The following TXNDC2 variants were observed in gnomAD, a reference collection of about 807,000 sequenced individuals.
TXNDC2 encodes the protein thioredoxin domain-containing protein 2.
A neutral mutation model predicts 0.4 loss-of-function variants in TXNDC2; 1 was observed. The ratio of observed to expected loss-of-function variants is 2.30; its 90% CI spans 0.82 to 10.89. TXNDC2 has a LOEUF of 10.89. Among genes scored for constraint, TXNDC2 ranks in the 30% most tolerant of loss-of-function variants. TXNDC2 has a pLI of 0.12. For missense variants in TXNDC2, 509 were observed against 579.8 expected (o/e 0.88, Z 1.25); for synonymous variants, 183 against 224.6 (o/e 0.81, Z 1.66).
At position 9,886,550 on chromosome 18, in the gene TXNDC2, T is replaced by C. The variant is rs1040348066; in HGVS notation, c.-92-39T>C. The C allele has an allele frequency of 2.2e-6, 3 of 1,355,714 alleles. No individual in the cohort carries two copies. In the African/African-American group the frequency reaches 4.5e-5, roughly 20 times the overall value. 84.0% of individuals were successfully genotyped at this position (1,355,714 alleles called of 1,614,324 possible). On this transcript the variant is annotated intron_variant, in intron 1 of 1. Transcript: ENST00000357775. The stretch of plus-strand genomic sequence containing the variant: ...GTTCTTCTTTTGCATTTCTATTTGA[T>C]TTATTTTATTTTATTTTATTTTATG...
In TXNDC2 at chr18:9,886,587, A is replaced by G; in HGVS notation, c.-92-2A>G. On this transcript the variant is annotated splice_acceptor_variant, in intron 1 of 1. Transcript: ENST00000357775. LOFTEE classifies it low-confidence loss of function (5UTR_SPLICE). ...TATTTTATTTTATGTTTTTTGGTAC[A>G]GAAAGCTCATTACTAGTCCTGTCCA... 2 of 1,559,110 alleles carry G rather than the reference A, an allele frequency of 1.3e-6. No individual in the cohort carries two copies. Among genetic ancestry groups the G allele is most frequent in the Middle Eastern group, 1.7e-4 (1 of 5,782 alleles).
chr18:9,888,625 G>A lies in TXNDC2; in HGVS notation c.*484G>A, dbSNP rs925818611. 10 of 153,654 alleles carry A rather than the reference G, an allele frequency of 6.5e-5. No individual in the cohort carries two copies. Among genetic ancestry groups the A allele is most frequent in the African/African-American group, 2.2e-4 (9 of 41,476 alleles). 9.5% of individuals were successfully genotyped at this position (153,654 alleles called of 1,614,324 possible). A position where few individuals can be genotyped will look rare whatever the true frequency, so the allele number is the denominator to read the frequency against. Reference sequence around the variant, plus strand: ...TCTTAGCTAACCTCCTTCTTGTGCCGGAAGTGCTACGGAGGCCTTGGGAAA... The same window carrying A: ...TCTTAGCTAACCTCCTTCTTGTGCCAGAAGTGCTACGGAGGCCTTGGGAAA... On this transcript the variant is annotated 3_prime_UTR_variant, in exon 2 of 2. Coordinates refer to ENST00000357775, the MANE Select transcript of TXNDC2 (RefSeq NM_032243.6).
At position 9,888,319 on chromosome 18, in the gene TXNDC2, G is replaced by A. The variant is rs1005818830; in HGVS notation, c.*178G>A. ...CAGTCCAAGCATTAAAGTACATTGC[G>A]ACTGTGTTTCTGTTAGTGGGAGAGT... On this transcript the variant is annotated 3_prime_UTR_variant, in exon 2 of 2. Coordinates refer to ENST00000357775, the MANE Select transcript of TXNDC2 (RefSeq NM_032243.6). 7.2e-6 allele frequency: 4 copies of A among 553,666 alleles called. No individual in the cohort carries two copies. The highest frequency in any genetic ancestry group is 3.1e-5 in the Admixed American group (1 of 31,952). The allele number at this position is 553,666 out of a possible 1,614,324, so 34.3% of individuals were successfully genotyped here. A position where few individuals can be genotyped will look rare whatever the true frequency, so the allele number is the denominator to read the frequency against.
chr18:9,886,177 G>A lies in TXNDC2; in HGVS notation c.-93+97G>A, dbSNP rs527983960. On this transcript the variant is annotated intron_variant, in intron 1 of 1. Coordinates refer to ENST00000357775, the MANE Select transcript of TXNDC2 (RefSeq NM_032243.6). ...GAGGCATCTATGAAGGATCAGGAAT[G>A]GATGTAGACAAGGAACTAGGAATGG... 1.6e-5 allele frequency: 26 copies of A among 1,613,844 alleles called. No homozygotes were observed. The African/African-American group carries it at 3.2e-4, about 20-fold the overall frequency.
At position 9,887,179 on chromosome 18, in the gene TXNDC2, C is replaced by A. The variant is rs143154037; in HGVS notation, c.499C>A (p.Pro167Thr). The change falls in exon 2 of 2, where the codon CCC (proline) becomes ACC (threonine). Residue 167 changes from proline to threonine, a missense_variant. Coordinates refer to ENST00000357775, the MANE Select transcript of TXNDC2 (RefSeq NM_032243.6). ...IAKTSVKPSQ[P>T]KESDIPKSPE... ...CAAGACCTCAGTGAAGCCCAGCCAG[C>A]CCAAGGAGAGTGATATCCCCAAGTC... The A allele has an allele frequency of 4.0e-3, 6,271 of 1,585,672 alleles. 18 individuals carry two copies. Among genetic ancestry groups the A allele is most frequent in the Non-Finnish European group, 4.9e-3 (5,724 of 1,160,638 alleles).
At chr18:9,886,371 C>A in intron 1 of TXNDC2, 3 of 1,248,370 alleles carry the variant, frequency 2.4e-6, no homozygotes, top group Non-Finnish European at 3.4e-6. Context: ...AAAGTTGTAG[C>A]TTAAGAACAT....
intron 1 of TXNDC2, 186 bp downstream of exon 1, chr18:9,886,266 G>A (rs1382811482): frequency 1.7e-5 from 28 of 1,613,838 alleles, no homozygotes; most frequent in Non-Finnish European, 2.3e-5. Context: ...GAAGAAACAA[G>A]TGAAGGTGAT....
chr18:9,886,354 AG>A (rs1397525833), intron 1 of TXNDC2: 2 of 1,370,598 alleles, frequency 1.5e-6, no homozygotes, highest in African/African-American at 1.4e-5. Context: ...TGTTGAACCA[AG>A]AAGGGAAAGT....
Position 9,887,503 on chromosome 18 carries a change from G to C in TXNDC2, c.823G>C (p.Gly275Arg), listed in dbSNP as rs150108896. Residue 275 changes from glycine to arginine, a missense_variant, in exon 2 of 2, where the codon GGT becomes CGT. This residue lies in a region of TXNDC2 where 15 missense variants were observed against 40.4 expected (regional missense o/e 0.37). Transcript: ENST00000357775. ...SLEEAIQPKE[G>R]DIPKSPEETI... is the part of the protein sequence containing the mutation. ...AGAGGAAGCCATCCAGCCTAAGGAG[G>C]GTGACATCCCCAAGTCCCCAGAAGA... 1,500 of 1,528,064 alleles carry C rather than the reference G, an allele frequency of 9.8e-4. 10 individuals carry two copies. Among genetic ancestry groups the C allele is most frequent in the Non-Finnish European group, 1.3e-3 (1,423 of 1,131,874 alleles). 94.7% of individuals were successfully genotyped at this position (1,528,064 alleles called of 1,614,324 possible).
At position 9,888,365 on chromosome 18, in the gene TXNDC2, G is replaced by A; in HGVS notation, c.*224G>A. The A allele has an allele frequency of 4.3e-6, 2 of 466,466 alleles. No homozygotes were observed. Among genetic ancestry groups the A allele is most frequent in the Non-Finnish European group, 7.5e-6 (2 of 265,490 alleles). The allele number at this position is 466,466 out of a possible 1,614,324, so 28.9% of individuals were successfully genotyped here. On this transcript the variant is annotated 3_prime_UTR_variant, in exon 2 of 2. Transcript: ENST00000357775. The stretch of plus-strand genomic sequence containing the variant: ...AGAGTATAAAATTAGAAATTCCCAT[G>A]GTGAAGACTGCTAAGTCCCATGGTT...
chr18:9,887,144 G>C lies in TXNDC2; in HGVS notation c.464G>C (p.Gly155Ala). 1 of 1,583,866 alleles carries C rather than the reference G, an allele frequency of 6.3e-7. No homozygotes were observed. The highest frequency in any genetic ancestry group is 8.6e-7 in the Non-Finnish European group (1 of 1,159,250). ...SSAKPIQPKL[G>A]NIAKTSVKPS... ...GCAAAACCCATCCAGCCCAAGCTGGGCAATATTGCCAAGACCTCAGTGAAG... is the reference window on the plus strand; with the variant it reads ...GCAAAACCCATCCAGCCCAAGCTGGCCAATATTGCCAAGACCTCAGTGAAG... Residue 155 changes from glycine to alanine, a missense_variant, in exon 2 of 2, where the codon GGC (glycine) becomes GCC (alanine). By Grantham distance (60) the Gly-to-Ala change is moderately conservative. Coordinates refer to ENST00000357775, the MANE Select transcript of TXNDC2 (RefSeq NM_032243.6).
In TXNDC2 at chr18:9,886,600, C is replaced by T; in HGVS notation, c.-81C>T. 10 of 1,604,886 alleles carry T rather than the reference C, an allele frequency of 6.2e-6. No homozygotes were observed. The highest frequency in any genetic ancestry group is 7.6e-6 in the Non-Finnish European group (9 of 1,176,692). Reference sequence around the variant, plus strand: ...GTTTTTTGGTACAGAAAGCTCATTACTAGTCCTGTCCAGCAACGTGCCTCT... The same window carrying T: ...GTTTTTTGGTACAGAAAGCTCATTATTAGTCCTGTCCAGCAACGTGCCTCT... On this transcript the variant is annotated 5_prime_UTR_variant, in exon 2 of 2. Transcript: ENST00000357775.
rs779157776 is a variant in TXNDC2, at chr18:9,886,856, C to T, written c.176C>T (p.Thr59Ile). 4 of 1,605,552 alleles carry T rather than the reference C, an allele frequency of 2.5e-6. No individual in the cohort carries two copies. The highest frequency in any genetic ancestry group is 3.4e-6 in the Non-Finnish European group (4 of 1,174,772). Residue 59 changes from threonine to isoleucine, a missense_variant, in exon 2 of 2, where the codon ACC becomes ATC. By Grantham distance (89) the Thr-to-Ile change is moderately conservative. Around this residue, in one of 5 missense-constraint regions of TXNDC2, gnomAD observed 187 missense variants for 218.0 expected, o/e 0.86. Coordinates refer to ENST00000357775, the MANE Select transcript of TXNDC2 (RefSeq NM_032243.6). ...GACATCCCCAAGGCCCCAGAAGAAA[C>T]CATCCAATCCAAGAAGGAGGACCTC... ...EGDIPKAPEE[T>I]IQSKKEDLPK...
chr18:9,888,146 G>A lies in TXNDC2; in HGVS notation c.*5G>A. On this transcript the variant is annotated 3_prime_UTR_variant, in exon 2 of 2. Coordinates refer to ENST00000357775, the MANE Select transcript of TXNDC2 (RefSeq NM_032243.6). ...GTCATTGCAGAATTAAAGTAAACAT[G>A]TATTCTGAAAACATTGCAGACAGTC... 3 of 1,596,902 alleles carry A rather than the reference G, an allele frequency of 1.9e-6. No individual in the cohort carries two copies. The highest frequency in any genetic ancestry group is 2.6e-6 in the Non-Finnish European group (3 of 1,169,600).
intron 1 of TXNDC2, 113 bp downstream of exon 1, chr18:9,886,193 C>A (rs371272331): frequency 3.1e-6 from 5 of 1,614,006 alleles, no homozygotes; most frequent in Non-Finnish European, 4.2e-6. Context: ...AGACAAGGAA[C>A]TAGGAATGGA....
chr18:9,888,913 C>G lies in TXNDC2; in HGVS notation c.*772C>G, dbSNP rs2068977903. 6.6e-6 allele frequency: 1 copy of G among 152,144 alleles called. No individual in the cohort carries two copies. Among genetic ancestry groups the G allele is most frequent in the Non-Finnish European group, 1.5e-5 (1 of 68,036 alleles). The allele number at this position is 152,144 out of a possible 1,614,324, so 9.4% of individuals were successfully genotyped here. A position where few individuals can be genotyped will look rare whatever the true frequency, so the allele number is the denominator to read the frequency against. ...CCTAGACCTTCCTCTGACTTTTTTA[C>G]TTAAATTTGTTCTTATTTTCAATAT... On this transcript the variant is annotated 3_prime_UTR_variant, in exon 2 of 2. Coordinates refer to ENST00000357775, the MANE Select transcript of TXNDC2 (RefSeq NM_032243.6).
rs2068954657 is a variant in TXNDC2, at chr18:9,886,909, C to T, written c.229C>T (p.Pro77Ser). 6.2e-7 allele frequency: 1 copy of T among 1,607,826 alleles called. No individual in the cohort carries two copies. The highest frequency in any genetic ancestry group is 1.3e-5 in the African/African-American group (1 of 74,076). ...CAAGTCCTCAGAAAAAGCCATCCAG[C>T]CCAAAGAGAGTAACATCCCCAAGTC... ...LPKSSEKAIQ[P>S]KESNIPKSSA... The change falls in exon 2 of 2, where the codon CCC becomes TCC. Residue 77 changes from proline to serine, a missense_variant. By Grantham distance (74) the Pro-to-Ser change is moderately conservative. Coordinates refer to ENST00000357775, the MANE Select transcript of TXNDC2 (RefSeq NM_032243.6).
chr18:9,887,108 C>T lies in TXNDC2; in HGVS notation c.428C>T (p.Pro143Leu). Residue 143 changes from proline (P) to leucine (L), a missense_variant, in exon 2 of 2, where the codon CCC (proline) becomes CTC (leucine). Physicochemically the swap from Pro to Leu is moderately conservative, Grantham distance 98 (BLOSUM62 -3). This residue lies in a region of TXNDC2 where 187 missense variants were observed against 218.0 expected (regional missense o/e 0.86). Coordinates refer to ENST00000357775, the MANE Select transcript of TXNDC2 (RefSeq NM_032243.6). ...ATCCAGCCCAAAGAGGGTGACATCC[C>T]CAAGTCCTCAGCAAAACCCATCCAG... ...EAIQPKEGDIPKSSAKPIQPK... is the reference protein window; with the variant it reads ...EAIQPKEGDILKSSAKPIQPK... 1.2e-6 allele frequency: 2 copies of T among 1,611,764 alleles called. No individual in the cohort carries two copies. Among genetic ancestry groups the T allele is most frequent in the South Asian group, 1.1e-5 (1 of 90,692 alleles).
intron 1 of TXNDC2, 44 bp downstream of exon 1, chr18:9,886,124 A>G (rs1204859482): frequency 1.3e-6 from 2 of 1,499,720 alleles, no homozygotes; most frequent in Middle Eastern, 1.7e-4. Flanking sequence ...ATAGCTTGGA[A>G]AAAGTTGGAG....
Sources: allele counts gnomAD v4.1 joint callset, GRCh38; gene constraint gnomAD v4.1.1; regional missense constraint gnomAD v4.1.1; transcripts MANE v1.5; gene names NCBI Gene and HGNC (gene_info 2026-07-23, HGNC 2026-07-21).